UBE2F: variants seen among roughly 807,000 people sequenced by gnomAD.
UBE2F encodes the protein ubiquitin conjugating enzyme E2 F (putative), also known as NEDD8-conjugating enzyme UBE2F.
UBE2F carries 5 observed loss-of-function variants against 29.6 expected under a neutral mutation model. The ratio of observed to expected loss-of-function variants is 0.17; its 90% CI spans 0.09 to 0.36. UBE2F has a LOEUF of 0.36. Among genes scored for constraint, UBE2F ranks in the 10% least tolerant of loss-of-function variants. UBE2F has a pLI of 1.00. For synonymous variants in UBE2F, 66 were observed against 81.8 expected, an observed-to-expected ratio of 0.81 and a Z score of 1.04; for missense variants, 141 against 228.5, an observed-to-expected ratio of 0.62 and a Z score of 2.47.
chr2:237,976,941 AG>A lies in UBE2F; in HGVS notation c.118+3718del, dbSNP rs1373996871. ...CCAGACCCACATACTGGGGTAGGAC[AG>A]GCTCTGTGGGGGCAGATGCGACAAG... is the stretch of plus-strand genomic sequence containing the variant. On this transcript the variant is annotated intron_variant, in intron 2 of 9. Transcript: ENST00000272930. 3.3e-5 allele frequency among the ~76,000 whole-genome samples: 5 copies of A among 152,300 alleles called. No individual in the cohort carries two copies. The South Asian group carries it at 6.2e-4, about 19-fold the overall frequency.
chr2:237,987,604 C>T (rs2063505239), intron 2 of UBE2F, among the ~76,000 whole-genome samples: 1 of 152,188 alleles, frequency 6.6e-6, no homozygotes, highest in Non-Finnish European at 1.5e-5. Flanking sequence ...GACATAGACA[C>T]AAGGTGCATA....
chr2:237,981,272 T>C (rs916797041), intron 2 of UBE2F, among the ~76,000 whole-genome samples: 2 of 152,224 alleles, frequency 1.3e-5, no homozygotes, highest in Admixed American at 6.5e-5. Context: ...TCTAAGGTGA[T>C]AACTGTTGAT....
intron 4 of UBE2F, among the ~76,000 whole-genome samples, chr2:238,009,718 A>G (rs1334060150): frequency 3.3e-5 from 5 of 151,814 alleles, no homozygotes; most frequent in Non-Finnish European, 7.4e-5. Flanking sequence ...CTCCGCTCAC[A>G]CTCACTTCCT....
At chr2:238,012,960 A>G (rs1261331648) in intron 4 of UBE2F, among the ~76,000 whole-genome samples, 1 of 152,220 alleles carries the variant, frequency 6.6e-6, no homozygotes, top group African/African-American at 2.4e-5. Context: ...ACTATTTATA[A>G]TACCATGCTT....
Position 238,013,140 on chromosome 2 carries a change from C to A in UBE2F, c.215-3426C>A, listed in dbSNP as rs576404011. On this transcript the variant is annotated intron_variant, in intron 4 of 9. Transcript: ENST00000272930. ...AAAAAACTAGCTGGGCGTGGTGGCACACACCTGTAGTCCCAGCTACTTGGG... is the reference window on the plus strand; with the variant it reads ...AAAAAACTAGCTGGGCGTGGTGGCAAACACCTGTAGTCCCAGCTACTTGGG... Among the ~76,000 whole-genome samples the A allele has an allele frequency of 3.3e-5, 5 of 152,146 alleles. No homozygotes were observed. The East Asian group carries it at 7.7e-4, about 24-fold the overall frequency.
In UBE2F at chr2:238,037,668, C is replaced by CA. The variant is rs538057490; in HGVS notation, c.507+1729dup. ...TTACCCAGGCTGGAGTGCAGTGGTGCAGTCTTGGCTCACTGCAACCTCTAT... is the reference window on the plus strand; with the variant it reads ...TTACCCAGGCTGGAGTGCAGTGGTGCAAGTCTTGGCTCACTGCAACCTCTAT... On this transcript the variant is annotated intron_variant, in intron 9 of 9. Transcript: ENST00000272930. Among the ~76,000 whole-genome samples the CA allele has an allele frequency of 2.9e-3, 438 of 152,258 alleles. 2 individuals are homozygous for CA. Among genetic ancestry groups the CA allele is most frequent in the African/African-American group, 8.9e-3 (370 of 41,554 alleles).
At chr2:238,023,721 G>A (rs1467260667) in intron 5 of UBE2F, among the ~76,000 whole-genome samples, 1 of 152,196 alleles carries the variant, frequency 6.6e-6, no homozygotes, top group Non-Finnish European at 1.5e-5. Context: ...GAGATCCTGT[G>A]ATTTGACACT....
At position 237,987,107 on chromosome 2, in the gene UBE2F, C is replaced by A. The variant is rs546287138; in HGVS notation, c.119-856C>A. Among the ~76,000 whole-genome samples, 8 of 152,202 alleles carry A rather than the reference C, an allele frequency of 5.3e-5. No individual in the cohort carries two copies. In the South Asian group the frequency reaches 1.2e-3, roughly 24 times the overall value. On this transcript the variant is annotated intron_variant, in intron 2 of 9. Transcript: ENST00000272930. ...TATGGACATTTTAACAATATTAATT[C>A]TTCAAATATTTGAACAGAGTATATA...
rs1222066738 is a variant in UBE2F, at chr2:237,967,342, CG to C, written c.-17+215del. ...GGGCCGCGGGCCGCGGGCCGCGAGC[CG>C]GGGGTCGGAGGCGGCGTCGGCGGCC... On this transcript the variant is annotated intron_variant, in intron 1 of 9. Coordinates refer to ENST00000272930, the MANE Select transcript of UBE2F (RefSeq NM_080678.3). The surrounding 1 kb of genome is among the most constrained non-coding windows in gnomAD (Gnocchi z 6.3). Among the ~76,000 whole-genome samples, 1 of 147,060 alleles carries C rather than the reference CG, an allele frequency of 6.8e-6. No individual in the cohort carries two copies. Among genetic ancestry groups the C allele is most frequent in the Non-Finnish European group, 1.5e-5 (1 of 66,096 alleles).
chr2:238,009,499 A>G (rs1250554740), intron 4 of UBE2F, among the ~76,000 whole-genome samples: 2 of 152,128 alleles, frequency 1.3e-5, no homozygotes, highest in African/African-American at 2.4e-5. Flanking sequence ...GCATCCAGTG[A>G]ATTTTTCATT....
At chr2:238,008,587 A>AT (rs1049023159) in intron 4 of UBE2F, among the ~76,000 whole-genome samples, 2 of 151,990 alleles carry the variant, frequency 1.3e-5, no homozygotes, top group Admixed American at 1.3e-4. Context: ...AAGATTGTCA[A>AT]TTTTTTGACC....
At chr2:237,973,508 A>G (rs1430759538) in intron 2 of UBE2F, 1 of 503,866 alleles carries the variant, frequency 2.0e-6, no homozygotes, top group African/African-American at 2.0e-5. Context: ...TAAGGTGCTG[A>G]GAGTCAGCAA....
intron 2 of UBE2F, among the ~76,000 whole-genome samples, chr2:237,979,395 G>A (rs990977714): frequency 6.6e-6 from 1 of 152,138 alleles, no homozygotes; most frequent in African/African-American, 2.4e-5. Context: ...TCCTATATGA[G>A]GTCTGCAACA....
chr2:238,025,445 C>T (rs775612444), intron 6 of UBE2F, 33 bp downstream of exon 6: 27 of 1,575,208 alleles, frequency 1.7e-5, no homozygotes, highest in Non-Finnish European at 2.4e-5. Flanking sequence ...CTTCTACATT[C>T]GTGAGTGTCA....
chr2:238,002,547 A>G (rs544830966), intron 4 of UBE2F, among the ~76,000 whole-genome samples: 4 of 150,108 alleles, frequency 2.7e-5, no homozygotes, highest in Non-Finnish European at 4.4e-5. Context: ...GGAATATTCC[A>G]ATTTTTGAGC....
At position 237,982,687 on chromosome 2, in the gene UBE2F, T is replaced by C. The variant is rs1184775526; in HGVS notation, c.119-5276T>C. 6.6e-6 allele frequency among the ~76,000 whole-genome samples: 1 copy of C among 152,206 alleles called. No homozygotes were observed. Among genetic ancestry groups the C allele is most frequent in the Non-Finnish European group, 1.5e-5 (1 of 68,034 alleles). ...TCAACAAAATATAAATAATACAGAA[T>C]AAAATGTTAGTATTTGCTTTAAGAT... On this transcript the variant is annotated intron_variant, in intron 2 of 9. Coordinates refer to ENST00000272930, the MANE Select transcript of UBE2F (RefSeq NM_080678.3). The surrounding 1 kb of genome is among the most constrained non-coding windows in gnomAD (Gnocchi z 4.1).
chr2:238,041,176 G>A (rs777349379), intron 9 of UBE2F, 112 bp from the exon 10 acceptor site: 19 of 1,036,080 alleles, frequency 1.8e-5, no homozygotes, highest in African/African-American at 6.3e-5. Flanking sequence ...CCACCTTGGC[G>A]ACCACAGGGG....
At chr2:238,005,352 A>G (rs2063879027) in intron 4 of UBE2F, among the ~76,000 whole-genome samples, 1 of 152,052 alleles carries the variant, frequency 6.6e-6, no homozygotes, top group Non-Finnish European at 1.5e-5. Context: ...ACATGCTACC[A>G]CACCTGGCTG....
At chr2:238,003,143 T>C (rs2063831236) in intron 4 of UBE2F, among the ~76,000 whole-genome samples, 1 of 152,188 alleles carries the variant, frequency 6.6e-6, no homozygotes, top group South Asian at 2.1e-4. Context: ...ATTTTTAATT[T>C]TAGTATGGAG....
Sources: allele counts gnomAD v4.1 joint callset (sites outside exome capture counted in the v4.1 genomes callset), GRCh38; gene constraint gnomAD v4.1.1; non-coding constraint Gnocchi (gnomAD v3.1); transcripts MANE v1.5; gene names NCBI Gene and HGNC (gene_info 2026-07-23, HGNC 2026-07-21).